Variants in DLGAP1 observed in about 807,000 individuals in gnomAD.
DLGAP1 encodes the protein DLG associated protein 1.
Under a neutral mutation model 90.8 loss-of-function variants are expected in DLGAP1, and 11 were observed. That is an observed-to-expected ratio of 0.12 (90% CI 0.08 to 0.20). The LOEUF (loss-of-function observed/expected upper bound fraction) is 0.20, where lower values mean the gene tolerates loss of function less well. Among genes scored for constraint, DLGAP1 ranks in the 10% least tolerant of loss-of-function variants. DLGAP1 has a pLI of 1.00. For missense variants in DLGAP1, 1,050 were observed against 1,333.8 expected, an observed-to-expected ratio of 0.79 and a Z score of 3.31; for synonymous variants, 558 against 540.7, an observed-to-expected ratio of 1.03 and a Z score of -0.44.
At chr18:4,145,754 A>C (rs886780100) in intron 2 of DLGAP1, among the ~76,000 whole-genome samples, 7 of 152,216 alleles carry the variant, frequency 4.6e-5, no homozygotes, top group African/African-American at 1.7e-4. Flanking sequence ...AGTCATTCTG[A>C]AATCAGTTAA....
At chr18:4,019,872 C>T (rs1050061133) in intron 2 of DLGAP1, among the ~76,000 whole-genome samples, 3 of 152,116 alleles carry the variant, frequency 2.0e-5, no homozygotes, top group African/African-American at 7.2e-5. Context: ...CCTGAAATTT[C>T]ACCAAGAGCA....
At chr18:3,828,851 A>G (rs1335194931) in intron 4 of DLGAP1, among the ~76,000 whole-genome samples, 1 of 152,116 alleles carries the variant, frequency 6.6e-6, no homozygotes, top group Non-Finnish European at 1.5e-5. Context: ...AGTACTAACA[A>G]TGTCTTAGAA....
chr18:4,111,321 T>C (rs2075968658), intron 2 of DLGAP1, among the ~76,000 whole-genome samples: 1 of 152,166 alleles, frequency 6.6e-6, no homozygotes, highest in Non-Finnish European at 1.5e-5. Context: ...TAGTGTTTTG[T>C]TGAAGATTTT....
At chr18:3,982,383 C>T (rs34810548) in intron 3 of DLGAP1, among the ~76,000 whole-genome samples, 65,835 of 151,540 alleles carry the variant, frequency 0.43, 14,420 homozygotes, top group African/African-American at 0.46. Context: ...TCAATACACA[C>T]ACTTGTGCTC....
chr18:3,737,087 T>G (rs2147571115), intron 6 of DLGAP1, among the ~76,000 whole-genome samples: 1 of 148,022 alleles, frequency 6.8e-6, no homozygotes, highest in Middle Eastern at 3.4e-3. Context: ...GTTGAATCTC[T>G]GAATAGACCA....
At chr18:4,041,496 T>G (rs2074974251) in intron 2 of DLGAP1, among the ~76,000 whole-genome samples, 1 of 152,236 alleles carries the variant, frequency 6.6e-6, no homozygotes, top group Admixed American at 6.5e-5. Flanking sequence ...AGCATCTTTC[T>G]TTTATAACTG....
intron 5 of DLGAP1, among the ~76,000 whole-genome samples, chr18:3,783,491 A>G (rs2065300178): frequency 6.6e-6 from 1 of 152,244 alleles, no homozygotes; most frequent in East Asian, 1.9e-4. Context: ...CTACTAATGC[A>G]TGCTACAACA....
At chr18:3,969,316 G>A (rs1424752743) in intron 3 of DLGAP1, among the ~76,000 whole-genome samples, 1 of 152,162 alleles carries the variant, frequency 6.6e-6, no homozygotes, top group Non-Finnish European at 1.5e-5. Flanking sequence ...ACAACTTTTA[G>A]TCATTCCTTC....
chr18:4,005,031 A>G (rs1466012015), intron 3 of DLGAP1, 85 bp downstream of exon 3: 8 of 151,896 alleles, frequency 5.3e-5, no homozygotes. Flanking sequence ...TTAGATGTAC[A>G]TGCCTAATAA....
chr18:3,534,026 CT>C (rs2144488328), intron 10 of DLGAP1, among the ~76,000 whole-genome samples, 167 bp downstream of exon 10: 1 of 152,228 alleles, frequency 6.6e-6, no homozygotes, highest in East Asian at 1.9e-4. Context: ...TGTGCAGGGA[CT>C]TCTGGACTCA....
chr18:3,723,019 G>T (rs1330404802), intron 7 of DLGAP1, among the ~76,000 whole-genome samples: 1 of 152,076 alleles, frequency 6.6e-6, no homozygotes, highest in East Asian at 1.9e-4. Flanking sequence ...CACCACTTTG[G>T]GCCTTAGTTT....
chr18:4,107,426 C>T (rs2075888382), intron 2 of DLGAP1, among the ~76,000 whole-genome samples: 1 of 152,154 alleles, frequency 6.6e-6, no homozygotes, highest in African/African-American at 2.4e-5. Flanking sequence ...ACGTCTGGCT[C>T]CCCTTTCCCT....
intron 1 of DLGAP1, among the ~76,000 whole-genome samples, chr18:4,431,788 A>G (rs16946747): frequency 0.017 from 2,628 of 152,302 alleles, 52 homozygotes; most frequent in African/African-American, 0.053. Flanking sequence ...CTAGTTTTAC[A>G]AAGAGTTCTC....
intron 5 of DLGAP1, among the ~76,000 whole-genome samples, chr18:3,772,749 A>G (rs9961699): frequency 0.8 from 121,260 of 151,754 alleles, 49,013 homozygotes; most frequent in East Asian, 1. Context: ...TGGCATTGGC[A>G]CCCCCTGGGA....
At position 4,322,830 on chromosome 18, in the gene DLGAP1, G is replaced by A. The variant is rs140672575; in HGVS notation, c.-267+132176C>T. Reference sequence around the variant, plus strand: ...ACAAAAATTAGCCAGGCGTTTTGGCGGGCGCCTGTAGTCCCAGTTACTCAG... The same window carrying A: ...ACAAAAATTAGCCAGGCGTTTTGGCAGGCGCCTGTAGTCCCAGTTACTCAG... On this transcript the variant is annotated intron_variant, in intron 1 of 12. Transcript: ENST00000315677. Among the ~76,000 whole-genome samples, 1,176 of 151,806 alleles carry A rather than the reference G, an allele frequency of 7.7e-3. 17 individuals carry two copies. Among genetic ancestry groups the A allele is most frequent in the African/African-American group, 0.026 (1,094 of 41,382 alleles).
chr18:4,317,233 C>T (rs2080553764), intron 1 of DLGAP1, among the ~76,000 whole-genome samples: 1 of 152,172 alleles, frequency 6.6e-6, no homozygotes. Flanking sequence ...TGTTGGGACA[C>T]CTATTCATGT....
intron 1 of DLGAP1, among the ~76,000 whole-genome samples, chr18:4,207,420 A>G (rs1282308241): frequency 1.3e-5 from 2 of 152,174 alleles, no homozygotes; most frequent in Non-Finnish European, 2.9e-5. Context: ...CCTGGGGATT[A>G]CCGGAACTAC....
intron 4 of DLGAP1, among the ~76,000 whole-genome samples, chr18:3,834,344 GATGATTA>G (rs199498473): frequency 7.4e-6 from 1 of 135,926 alleles, no homozygotes; most frequent in African/African-American, 2.7e-5. Context: ...TTATGTAATA[GATGATTA>G]ATCATAGCAC....
At chr18:4,235,812 G>A (rs1211925697) in intron 1 of DLGAP1, among the ~76,000 whole-genome samples, 6 of 128,134 alleles carry the variant, frequency 4.7e-5, no homozygotes, top group South Asian at 2.7e-4. Context: ...TGCAACCTCC[G>A]CCTCCCGGGT....
Sources: allele counts gnomAD v4.1 joint callset (sites outside exome capture counted in the v4.1 genomes callset), GRCh38; gene constraint gnomAD v4.1.1; transcripts MANE v1.5; gene names NCBI Gene and HGNC (gene_info 2026-07-23, HGNC 2026-07-21).